LRRN1: variants seen among roughly 807,000 people sequenced by gnomAD.
The protein encoded by LRRN1 is leucine-rich repeat neuronal protein 1.
LRRN1 carries 14 observed loss-of-function variants against 45.8 expected under a neutral mutation model. The ratio of observed to expected loss-of-function variants is 0.31; its 90% CI spans 0.20 to 0.48. The LOEUF is 0.48. Among genes scored for constraint, LRRN1 ranks in the 20% least tolerant of loss-of-function variants. The pLI, the probability that LRRN1 is intolerant of heterozygous loss-of-function variation, is 0.99. For synonymous variants in LRRN1, 359 were observed against 330.1 expected (o/e 1.09, Z -0.95); for missense variants, 789 against 874.2 (o/e 0.90, Z 1.23).
At chr3:3,823,962 G>T (rs1416473770) in intron 1 of LRRN1, among the ~76,000 whole-genome samples, 1 of 152,130 alleles carries the variant, frequency 6.6e-6, no homozygotes, top group Admixed American at 6.5e-5. Context: ...AGGAAAGATG[G>T]CTAACATGCA....
intron 1 of LRRN1, among the ~76,000 whole-genome samples, chr3:3,815,395 A>C (rs1692966872): frequency 6.6e-6 from 1 of 152,156 alleles, no homozygotes; most frequent in South Asian, 2.1e-4. Context: ...CCTTACACAG[A>C]AGAGTTGCTC....
intron 1 of LRRN1, among the ~76,000 whole-genome samples, chr3:3,815,316 C>T (rs905794140): frequency 2.6e-5 from 4 of 152,126 alleles, no homozygotes; most frequent in Non-Finnish European, 5.9e-5. Context: ...GAAAGAAATG[C>T]TCACAACTGA....
intron 1 of LRRN1, among the ~76,000 whole-genome samples, chr3:3,801,590 A>T (rs188430975): frequency 3.6e-4 from 55 of 152,330 alleles, no homozygotes; most frequent in African/African-American, 1.3e-3. Flanking sequence ...TCATCCATTC[A>T]CATGAAGGAA....
At chr3:3,819,679 C>T (rs1693061909) in intron 1 of LRRN1, among the ~76,000 whole-genome samples, 1 of 152,164 alleles carries the variant, frequency 6.6e-6, no homozygotes, top group Non-Finnish European at 1.5e-5. Context: ...GTAGTCTACT[C>T]CTCATCTAAA....
chr3:3,823,117 A>T (rs1435609871), intron 1 of LRRN1, among the ~76,000 whole-genome samples: 2 of 152,124 alleles, frequency 1.3e-5, no homozygotes, highest in African/African-American at 4.8e-5. Flanking sequence ...CATTTGGGAA[A>T]AATCGGTGTT....
chr3:3,841,731 T>G (rs1236298104), intron 1 of LRRN1, among the ~76,000 whole-genome samples: 1 of 152,078 alleles, frequency 6.6e-6, no homozygotes, highest in Non-Finnish European at 1.5e-5. Context: ...GTTGGTCATG[T>G]TGGTCTCGAA....
In LRRN1 at chr3:3,845,237, G is replaced by A; in HGVS notation, c.596G>A (p.Gly199Glu). The A allele has an allele frequency of 6.2e-7, 1 of 1,614,158 alleles. No individual in the cohort carries two copies. Among genetic ancestry groups the A allele is most frequent in the Non-Finnish European group, 8.5e-7 (1 of 1,180,030 alleles). ...CCCAACCTGGAAATTCTCATGATCG[G>A]AGAAAACCCTGTGATTGGAATTCTG... is the stretch of plus-strand genomic sequence containing the variant. ...STPNLEILMI[G>E]ENPVIGILDM... is the part of the protein sequence containing the mutation. Residue 199 changes from glycine to glutamate, a missense_variant, in exon 2 of 2, where the codon GGA (glycine) becomes GAA (glutamate). Coordinates refer to ENST00000319331, the MANE Select transcript of LRRN1 (RefSeq NM_020873.7). The surrounding 1 kb of genome is among the most constrained non-coding windows in gnomAD (Gnocchi z 6.5).
intron 1 of LRRN1, among the ~76,000 whole-genome samples, chr3:3,811,099 T>G (rs965852871): frequency 6.6e-6 from 1 of 151,686 alleles, no homozygotes; most frequent in African/African-American, 2.4e-5. Context: ...ATAAATAGAG[T>G]TTTCTAAGTG....
At chr3:3,837,951 T>C (rs1693560299) in intron 1 of LRRN1, among the ~76,000 whole-genome samples, 1 of 152,108 alleles carries the variant, frequency 6.6e-6, no homozygotes, top group East Asian at 1.9e-4. Flanking sequence ...TGTTCTCATT[T>C]TTCAGCTCCC....
At chr3:3,803,198 A>G (rs537875001) in intron 1 of LRRN1, among the ~76,000 whole-genome samples, 13 of 152,332 alleles carry the variant, frequency 8.5e-5, no homozygotes, top group African/African-American at 2.4e-4. Context: ...CCATTACCAC[A>G]TATTCTAAAG....
At chr3:3,842,191 T>C (rs992976186) in intron 1 of LRRN1, among the ~76,000 whole-genome samples, 2 of 152,162 alleles carry the variant, frequency 1.3e-5, no homozygotes, top group African/African-American at 2.4e-5. Flanking sequence ...ACTACCATTG[T>C]ATATGCGGTC....
Position 3,828,991 on chromosome 3 carries a change from C to CT in LRRN1, c.-278-15358dup, listed in dbSNP as rs386395826. 9.3e-3 allele frequency among the ~76,000 whole-genome samples: 1,301 copies of CT among 140,480 alleles called. 18 individuals are homozygous for CT. The highest frequency in any genetic ancestry group is 0.023 in the African/African-American group (891 of 37,978). 92.2% of individuals were successfully genotyped at this position (140,480 alleles called of 152,430 possible). On this transcript the variant is annotated intron_variant, in intron 1 of 1. Transcript: ENST00000319331. ...CAGCAGGTTGTGTTTTCTTTTCTTT[C>CT]TTTTTTTTTTTTTTTCCTGGTGGAG...
chr3:3,813,918 C>T (rs971806016), intron 1 of LRRN1, among the ~76,000 whole-genome samples: 1 of 152,052 alleles, frequency 6.6e-6, no homozygotes, highest in Non-Finnish European at 1.5e-5. Flanking sequence ...CCAAAATGAG[C>T]TCCTGCCATT....
chr3:3,823,912 C>G (rs868562134), intron 1 of LRRN1, among the ~76,000 whole-genome samples: 3 of 152,280 alleles, frequency 2.0e-5, no homozygotes, highest in East Asian at 3.9e-4. Context: ...ATACCTGGAG[C>G]TGGAGCCCTA....
At chr3:3,803,265 A>T (rs1314314947) in intron 1 of LRRN1, among the ~76,000 whole-genome samples, 2 of 152,212 alleles carry the variant, frequency 1.3e-5, no homozygotes, top group Admixed American at 1.3e-4. Context: ...CTACGGAGTT[A>T]TATTGCTACT....
rs933660601 is a variant in LRRN1 at position 3,846,918 on chromosome 3, C to A, written c.*126C>A. 2 of 775,440 alleles carry A rather than the reference C, an allele frequency of 2.6e-6. No individual in the cohort carries two copies. The highest frequency in any genetic ancestry group is 4.0e-6 in the Non-Finnish European group (2 of 496,016). The allele number at this position is 775,440 out of a possible 1,614,324, so 48.0% of individuals were successfully genotyped here. The stretch of plus-strand genomic sequence containing the variant: ...CTAGTTTGTGGCAGAGTGGAGAGGA[C>A]GGGTGGATATTTCAAATTTTTTTAG... On this transcript the variant is annotated 3_prime_UTR_variant, in exon 2 of 2. Transcript: ENST00000319331. The surrounding 1 kb of genome is among the most constrained non-coding windows in gnomAD (Gnocchi z 5.7).
rs923877634 is a variant in LRRN1, at chr3:3,848,826, C to A, written c.*2034C>A. ...CCTGTTAGGTTCCTGTGCAGGGCCC[C>A]TCTTTTGCAGTTCTGAATAACCTCT... is the stretch of plus-strand genomic sequence containing the variant. On this transcript the variant is annotated 3_prime_UTR_variant, in exon 2 of 2. Transcript: ENST00000319331. Among the ~76,000 whole-genome samples the A allele has an allele frequency of 6.6e-6, 1 of 152,190 alleles. No homozygotes were observed. The highest frequency in any genetic ancestry group is 1.5e-5 in the Non-Finnish European group (1 of 68,030).
At chr3:3,804,541 C>G (rs917454379) in intron 1 of LRRN1, among the ~76,000 whole-genome samples, 7 of 152,220 alleles carry the variant, frequency 4.6e-5, no homozygotes, top group Admixed American at 2.6e-4. Flanking sequence ...GTTTTAAAAT[C>G]TATGGAGTGA....
Position 3,844,581 on chromosome 3 carries a change from A to T in LRRN1, c.-61A>T. 1.6e-6 allele frequency: 2 copies of T among 1,242,704 alleles called. No homozygotes were observed. Among genetic ancestry groups the T allele is most frequent in the Non-Finnish European group, 2.3e-6 (2 of 873,402 alleles). 77.0% of individuals were successfully genotyped at this position (1,242,704 alleles called of 1,614,324 possible). A position where few individuals can be genotyped will look rare whatever the true frequency, so the allele number is the denominator to read the frequency against. On this transcript the variant is annotated 5_prime_UTR_variant, in exon 2 of 2. Transcript: ENST00000319331. ...CTCGCTGTCCTACATATCACAATATAGTGTTCACGTTTTGTTAAAACTTTG... is the reference window on the plus strand; with the variant it reads ...CTCGCTGTCCTACATATCACAATATTGTGTTCACGTTTTGTTAAAACTTTG...
Sources: gnomAD v4.1 joint callset for allele counts (sites outside exome capture counted in the v4.1 genomes callset) on GRCh38, gnomAD v4.1.1 for gene constraint, Gnocchi (gnomAD v3.1) non-coding constraint, MANE v1.5 for transcripts, NCBI Gene and HGNC (gene_info 2026-07-23, HGNC 2026-07-21) for gene names.